WDR88: variants seen among roughly 807,000 people sequenced by gnomAD.
WDR88 encodes WD repeat domain 88, also known as WD repeat-containing protein 88.
WDR88 carries 40 observed loss-of-function variants against 46.8 expected under a neutral mutation model. The observed-to-expected ratio is 0.86, with a 90% CI of 0.66 to 1.11. WDR88 has a LOEUF of 1.11. Ranked by LOEUF, WDR88 falls within the 50% of genes most tolerant of loss-of-function variation. WDR88 has a pLI of 0.00. For synonymous variants in WDR88, 235 were observed against 240.7 expected (o/e 0.98, Z 0.22); for missense variants, 562 against 602.4 (o/e 0.93, Z 0.70).
chr19:33,153,254 G>A (rs1281213890), intron 6 of WDR88, among the ~76,000 whole-genome samples: 1 of 142,642 alleles, frequency 7.0e-6, no homozygotes, highest in Admixed American at 6.9e-5. Context: ...TTGCAGAAAC[G>A]GGGTCTCATT....
rs1168016306 is a variant in WDR88 at position 33,175,511 on chromosome 19, C to T, written c.1358C>T (p.Ser453Leu). ...AGGGGCTTGCCAGCAGATACTTCAT[C>T]GTCATCATCATCATCGGAAAGGGAG... is the stretch of plus-strand genomic sequence containing the variant. ...DTRGLPADTS[S>L]SSSSSERENS... Residue 453 changes from serine (S) to leucine (L), a missense_variant, in exon 11 of 11, where the codon TCG (serine) becomes TTG (leucine). Ser to Leu is a moderately radical substitution (Grantham distance 145). Transcript: ENST00000355868. 5 of 1,614,098 alleles carry T rather than the reference C, an allele frequency of 3.1e-6. No homozygotes were observed. The highest frequency in any genetic ancestry group is 4.2e-6 in the Non-Finnish European group (5 of 1,180,044).
chr19:33,145,017 T>C lies in WDR88; in HGVS notation c.476+85T>C. ...GGTATGCCTGTGACATTTTTGTTTT[T>C]GTTTTAAGTAATAGATATGGGGTCT... On this transcript the variant is annotated intron_variant, in intron 3 of 10. Transcript: ENST00000355868. The C allele has an allele frequency of 3.8e-6, 5 of 1,312,674 alleles. No individual in the cohort carries two copies. In the South Asian group the frequency reaches 5.1e-5, roughly 13 times the overall value. 81.3% of individuals were successfully genotyped at this position (1,312,674 alleles called of 1,614,324 possible).
intron 7 of WDR88, among the ~76,000 whole-genome samples, chr19:33,157,021 C>A (rs747848731): frequency 6.6e-6 from 1 of 152,008 alleles, no homozygotes; most frequent in African/African-American, 2.4e-5. Context: ...CACAGCAAGA[C>A]CCTGTCTCTA....
Position 33,132,194 on chromosome 19 carries a change from C to T in WDR88, c.25C>T (p.Pro9Ser), listed in dbSNP as rs761933539. Residue 9 changes from proline (P) to serine (S), a missense_variant, in exon 1 of 11, where the codon CCG becomes TCG. Transcript: ENST00000355868. The stretch of plus-strand genomic sequence containing the variant: ...GATGGCCTCCCCGCCGCGGTGCTCC[C>T]CGACAGCCCATGACAGGGAATGCAA... Reference protein sequence around the residue: MASPPRCSPTAHDRECKLP... With the variant: MASPPRCSSTAHDRECKLP... 6.2e-7 allele frequency: 1 copy of T among 1,602,836 alleles called. No individual in the cohort carries two copies. Among genetic ancestry groups the T allele is most frequent in the South Asian group, 1.1e-5 (1 of 90,968 alleles).
At chr19:33,138,335 A>C (rs1302161514) in intron 2 of WDR88, among the ~76,000 whole-genome samples, 3 of 151,540 alleles carry the variant, frequency 2.0e-5, no homozygotes, top group Non-Finnish European at 2.9e-5. Context: ...TATAGGCATG[A>C]GCCACAGCGA....
At chr19:33,132,515 CGGG>C (rs1568355466) in intron 1 of WDR88, 70 bp downstream of exon 1, 1 of 1,567,824 alleles carries the variant, frequency 6.4e-7, no homozygotes, top group East Asian at 2.3e-5. Context: ...CTCGAGCTGT[CGGG>C]GGACCCATGG....
At chr19:33,165,439 A>G (rs1000379501) in intron 9 of WDR88, among the ~76,000 whole-genome samples, 2 of 152,042 alleles carry the variant, frequency 1.3e-5, no homozygotes, top group African/African-American at 4.8e-5. Context: ...TAATATAAAA[A>G]TAAGAAGTAA....
intron 1 of WDR88, among the ~76,000 whole-genome samples, chr19:33,136,874 G>A (rs1042148706): frequency 6.6e-6 from 1 of 151,852 alleles, no homozygotes; most frequent in East Asian, 1.9e-4. Flanking sequence ...ACCACATCCC[G>A]CCCTTGCATA....
In WDR88 at chr19:33,156,630, A is replaced by G; in HGVS notation, c.997+88A>G. On this transcript the variant is annotated intron_variant, in intron 7 of 10. Transcript: ENST00000355868. ...TTCCGTTCAAATGGACAGAGAGGCA[A>G]TTTCCAATGATGCTGACAGGGAGGG... is the stretch of plus-strand genomic sequence containing the variant. 4 of 1,404,850 alleles carry G rather than the reference A, an allele frequency of 2.8e-6. No homozygotes were observed. The South Asian group carries it at 5.7e-5, about 20-fold the overall frequency. The allele number at this position is 1,404,850 out of a possible 1,614,324, so 87.0% of individuals were successfully genotyped here. A position where few individuals can be genotyped will look rare whatever the true frequency, so the allele number is the denominator to read the frequency against.
chr19:33,143,512 C>T (rs917600951), intron 2 of WDR88, among the ~76,000 whole-genome samples: 3 of 150,948 alleles, frequency 2.0e-5, no homozygotes, highest in Non-Finnish European at 4.4e-5. Flanking sequence ...GGCGTGGTGG[C>T]GTGTGCCTAT....
chr19:33,158,830 G>C (rs1383025991), intron 7 of WDR88, among the ~76,000 whole-genome samples: 1 of 152,136 alleles, frequency 6.6e-6, no homozygotes, highest in African/African-American at 2.4e-5. Context: ...CTTCCAAGTA[G>C]CTTGGATTAC....
At position 33,160,361 on chromosome 19, in the gene WDR88, C is replaced by A; in HGVS notation, c.998-53C>A. The A allele has an allele frequency of 3.1e-6, 5 of 1,589,942 alleles. 1 individual carries two copies. The highest frequency in any genetic ancestry group is 1.3e-5 in the African/African-American group (1 of 74,482). On this transcript the variant is annotated intron_variant, in intron 7 of 10. Coordinates refer to ENST00000355868, the MANE Select transcript of WDR88 (RefSeq NM_173479.4). ...AGGCATCTTCAGCTGGCTTTGGGCT[C>A]ACTTGGCTTGGAAAGTTGACCCCCA...
chr19:33,138,344 G>A (rs900745948), intron 2 of WDR88, among the ~76,000 whole-genome samples: 26 of 149,950 alleles, frequency 1.7e-4, no homozygotes, highest in African/African-American at 5.9e-4. Context: ...GAGCCACAGC[G>A]ACTGGCCCTT....
Position 33,133,704 on chromosome 19 carries a change from C to A in WDR88, c.276+1259C>A, listed in dbSNP as rs558604844. ...GGCGATCTGCCTGTGGCCTTCCAGG[C>A]CATTTCAAATCTGGCACCTCTCCAT... On this transcript the variant is annotated intron_variant, in intron 1 of 10. Coordinates refer to ENST00000355868, the MANE Select transcript of WDR88 (RefSeq NM_173479.4). Among the ~76,000 whole-genome samples, 46 of 152,342 alleles carry A rather than the reference C, an allele frequency of 3.0e-4. No homozygotes were observed. The South Asian group carries it at 7.9e-3, about 26-fold the overall frequency.
chr19:33,160,725 C>T (rs530400768), intron 8 of WDR88, among the ~76,000 whole-genome samples: 6 of 152,326 alleles, frequency 3.9e-5, no homozygotes, highest in Middle Eastern at 3.4e-3. Context: ...GACCCATCCA[C>T]ATTGCATGGG....
At chr19:33,153,416 T>C (rs1293707409) in intron 6 of WDR88, among the ~76,000 whole-genome samples, 1 of 152,028 alleles carries the variant, frequency 6.6e-6, no homozygotes, top group East Asian at 1.9e-4. Context: ...TTGGATCATA[T>C]GGTAATACTG....
At position 33,172,359 on chromosome 19, in the gene WDR88, G is replaced by T. The variant is rs200368986; in HGVS notation, c.1161G>T (p.Met387Ile). ...WILSASKDRT[M>I]RLWNIEEIDE... ...GCTATTTGTTTTAGGATAGGACCAT[G>T]AGACTGTGGAATATTGAAGAAATTG... is the stretch of plus-strand genomic sequence containing the variant. Residue 387 changes from methionine (M) to isoleucine (I), a missense_variant, in exon 10 of 11, where the codon ATG becomes ATT. By Grantham distance (10) the Met-to-Ile change is conservative. Coordinates refer to ENST00000355868, the MANE Select transcript of WDR88 (RefSeq NM_173479.4). 2 of 1,613,876 alleles carry T rather than the reference G, an allele frequency of 1.2e-6. No individual in the cohort carries two copies. The highest frequency in any genetic ancestry group is 1.7e-6 in the Non-Finnish European group (2 of 1,179,904).
intron 2 of WDR88, among the ~76,000 whole-genome samples, chr19:33,141,746 T>G (rs1973399437): frequency 6.6e-6 from 1 of 152,144 alleles, no homozygotes; most frequent in African/African-American, 2.4e-5. Flanking sequence ...AGTGGCGTGG[T>G]CTCGGCTCAC....
intron 5 of WDR88, among the ~76,000 whole-genome samples, chr19:33,150,605 C>A (rs542170553): frequency 4.6e-5 from 7 of 152,282 alleles, no homozygotes; most frequent in African/African-American, 1.7e-4. Flanking sequence ...TTTGCACACA[C>A]AACACTGCTT....
Sources: gnomAD v4.1 joint callset for allele counts (sites outside exome capture counted in the v4.1 genomes callset) on GRCh38, gnomAD v4.1.1 for gene constraint, MANE v1.5 for transcripts, NCBI Gene and HGNC (gene_info 2026-07-23, HGNC 2026-07-21) for gene names.